The following ATOSA variants were observed in gnomAD, a reference collection of about 807,000 sequenced individuals.
ATOSA encodes atos homolog protein A.
chr15:52,677,855 ACCTCAC>A, the ATOSA span: 1 of 1,115,810 alleles, frequency 9.0e-7, no homozygotes, highest in Non-Finnish European at 1.3e-6. Context: ...GCCTTTCTCT[ACCTCAC>A]CAGCTGGAAT....
chr15:52,630,602 G>GTACC, the ATOSA span, among the ~76,000 whole-genome samples: 22 of 152,242 alleles, frequency 1.4e-4, no homozygotes, highest in African/African-American at 4.8e-4. Context: ...GGTACACACT[G>GTACC]GTGCAAACAC....
chr15:52,622,567 C>G, the ATOSA span, among the ~76,000 whole-genome samples: 1 of 152,084 alleles, frequency 6.6e-6, no homozygotes, highest in Non-Finnish European at 1.5e-5. Flanking sequence ...CTATCAGATG[C>G]TAAGTACTAT....
the ATOSA span, among the ~76,000 whole-genome samples, chr15:52,589,595 A>G: frequency 6.6e-6 from 1 of 152,202 alleles, no homozygotes; most frequent in South Asian, 2.1e-4. Context: ...ACAATTTAAA[A>G]CAATTTGTAA....
the ATOSA span, among the ~76,000 whole-genome samples, chr15:52,659,090 C>T: frequency 6.6e-6 from 1 of 152,184 alleles, no homozygotes; most frequent in Non-Finnish European, 1.5e-5. Flanking sequence ...TACCCCCAAC[C>T]CCCAGCTCTT....
chr15:52,695,355 C>G, the ATOSA span, among the ~76,000 whole-genome samples: 1 of 152,262 alleles, frequency 6.6e-6, no homozygotes, highest in Non-Finnish European at 1.5e-5. Flanking sequence ...CATAAACCAT[C>G]CTTTCCTGCC....
the ATOSA span, among the ~76,000 whole-genome samples, chr15:52,619,135 G>A: frequency 6.6e-6 from 1 of 152,174 alleles, no homozygotes; most frequent in Non-Finnish European, 1.5e-5. Flanking sequence ...CTAAGTACAA[G>A]TGATATGTGG....
chr15:52,642,973 C>T, the ATOSA span, among the ~76,000 whole-genome samples: 10 of 152,166 alleles, frequency 6.6e-5, no homozygotes, highest in Admixed American at 5.9e-4. Context: ...CAGCCCCTAT[C>T]TACCTTTTTT....
the ATOSA span, chr15:52,648,589 C>G: frequency 6.6e-6 from 1 of 151,986 alleles, no homozygotes; most frequent in Admixed American, 6.6e-5. Flanking sequence ...TTGTACCCAC[C>G]ACCCAAAATT....
At chr15:52,688,101 A>C in the ATOSA span, among the ~76,000 whole-genome samples, 1 of 152,248 alleles carries the variant, frequency 6.6e-6, no homozygotes, top group Non-Finnish European at 1.5e-5. Context: ...CCGTAGATTC[A>C]TAAGATTAAG....
At chr15:52,691,313 T>A in the ATOSA span, among the ~76,000 whole-genome samples, 12 of 152,232 alleles carry the variant, frequency 7.9e-5, no homozygotes, top group South Asian at 2.1e-4. Context: ...GCTATAGTAC[T>A]GCTGTGGAAA....
chr15:52,663,966 C>T, the ATOSA span, among the ~76,000 whole-genome samples: 3 of 152,100 alleles, frequency 2.0e-5, no homozygotes, highest in Admixed American at 6.5e-5. Flanking sequence ...AAAATGAATG[C>T]CACAAAAATT....
At chr15:52,670,263 T>C in the ATOSA span, among the ~76,000 whole-genome samples, 2 of 152,244 alleles carry the variant, frequency 1.3e-5, no homozygotes, top group Non-Finnish European at 2.9e-5. Flanking sequence ...TGTTCCAAGC[T>C]GTGTATTCTT....
At chr15:52,687,738 G>A in the ATOSA span, among the ~76,000 whole-genome samples, 1 of 151,640 alleles carries the variant, frequency 6.6e-6, no homozygotes, top group Non-Finnish European at 1.5e-5. Flanking sequence ...GTTTTTTTTT[G>A]TTTGTTTTTG....
chr15:52,591,088 T>C, the ATOSA span, among the ~76,000 whole-genome samples: 86,470 of 152,106 alleles, frequency 0.57, 28,638 homozygotes, highest in Non-Finnish European at 0.74. Context: ...TTTAAAAGCA[T>C]AGTTCAAGTT....
chr15:52,678,918 T>A, the ATOSA span: 1 of 153,414 alleles, frequency 6.5e-6, no homozygotes, highest in African/African-American at 2.4e-5. Flanking sequence ...GGCCGACCTC[T>A]GCTGACTAAC....
chr15:52,609,078 T>C, the ATOSA span: 4 of 1,613,396 alleles, frequency 2.5e-6, no homozygotes, highest in African/African-American at 5.3e-5. Context: ...GAGACAAAAT[T>C]GAGGAAGTTG....
the ATOSA span, among the ~76,000 whole-genome samples, chr15:52,661,982 A>T: frequency 1.3e-5 from 2 of 151,816 alleles, no homozygotes; most frequent in East Asian, 3.9e-4. Flanking sequence ...TGAATGATCA[A>T]ATCTTAGACC....
At chr15:52,656,370 C>G in the ATOSA span, 8 of 152,060 alleles carry the variant, frequency 5.3e-5, no homozygotes, top group Admixed American at 4.6e-4. Flanking sequence ...TCCTAGCAAT[C>G]ATATTTGCTG....
chr15:52,603,861 A>G, the ATOSA span, among the ~76,000 whole-genome samples: 1 of 152,190 alleles, frequency 6.6e-6, no homozygotes, highest in South Asian at 2.1e-4. Context: ...TAAAGTGGGA[A>G]TGGTTAATGG....
Sources: gnomAD v4.1 joint callset for allele counts (sites outside exome capture counted in the v4.1 genomes callset) on GRCh38, gnomAD v4.1.1 for gene constraint, MANE v1.5 for transcripts, NCBI Gene and HGNC (gene_info 2026-07-23, HGNC 2026-07-21) for gene names.